The following TRA2A variants were observed in gnomAD, a reference collection of about 807,000 sequenced individuals.
The protein encoded by TRA2A is transformer-2 protein homolog alpha.
TRA2A carries 31 observed loss-of-function variants against 45.7 expected under a neutral mutation model. The ratio of observed to expected loss-of-function variants is 0.68; its 90% CI spans 0.51 to 0.92. TRA2A has a LOEUF of 0.92. Ranked by LOEUF, TRA2A falls within the 40% of genes least tolerant of loss-of-function variation. The probability of loss-of-function intolerance (pLI) is 0.00; values close to 1 mark genes in which losing one functional copy is unlikely to be tolerated. For synonymous variants in TRA2A, 132 were observed against 126.2 expected (o/e 1.05, Z -0.31); for missense variants, 304 against 367.5 (o/e 0.83, Z 1.41).
intron 2 of TRA2A, among the ~76,000 whole-genome samples, chr7:23,517,214 G>C: frequency 6.6e-6 from 1 of 151,730 alleles, no homozygotes. Context: ...CGGGCACGGT[G>C]GCTCATGCCT....
At chr7:23,526,464 A>C (rs1006781716) in intron 1 of TRA2A, among the ~76,000 whole-genome samples, 1 of 152,238 alleles carries the variant, frequency 6.6e-6, no homozygotes, top group Admixed American at 6.5e-5. Flanking sequence ...GAGGAAAATC[A>C]CAAGTACCCA....
chr7:23,516,268 TA>T, intron 3 of TRA2A, 94 bp downstream of exon 3: 1 of 1,309,788 alleles, frequency 7.6e-7, no homozygotes, highest in Non-Finnish European at 1.1e-6. Flanking sequence ...GTATCACTTC[TA>T]AACAATGGCC....
intron 2 of TRA2A, among the ~76,000 whole-genome samples, chr7:23,518,453 T>G (rs1789985970): frequency 6.6e-6 from 1 of 152,170 alleles, no homozygotes; most frequent in African/African-American, 2.4e-5. Context: ...GTGATTCTCC[T>G]GCCTCAGCCT....
intron 4 of TRA2A, among the ~76,000 whole-genome samples, chr7:23,511,076 A>AG: frequency 1.3e-5 from 2 of 152,186 alleles, no homozygotes; most frequent in Admixed American, 1.3e-4. Flanking sequence ...TGTTTTTAAA[A>AG]GATAGCCTTA....
intron 1 of TRA2A, among the ~76,000 whole-genome samples, chr7:23,523,612 G>A (rs1223608549): frequency 2.6e-5 from 4 of 152,110 alleles, no homozygotes; most frequent in Non-Finnish European, 4.4e-5. Flanking sequence ...TTTTCTTTCA[G>A]ATAAAAACAA....
chr7:23,515,805 C>G (rs971131222), intron 3 of TRA2A, among the ~76,000 whole-genome samples: 3 of 151,784 alleles, frequency 2.0e-5, no homozygotes, highest in African/African-American at 7.3e-5. Flanking sequence ...TTTGGCCTCC[C>G]AAAGTGCTGG....
At position 23,506,386 on chromosome 7, in the gene TRA2A, T is replaced by C. The variant is rs922613279; in HGVS notation, c.642-120A>G. On this transcript the variant is annotated intron_variant, in intron 5 of 7. Transcript: ENST00000297071. ...GGAAGAACATCCCTTTCATGAGAAATTGCCTCCGTATCTCATTTTACTGAC... is the reference window on the plus strand; with the variant it reads ...GGAAGAACATCCCTTTCATGAGAAACTGCCTCCGTATCTCATTTTACTGAC... 1.8e-5 allele frequency: 22 copies of C among 1,254,116 alleles called. No homozygotes were observed. The African/African-American group carries it at 3.0e-4, about 17-fold the overall frequency. 77.7% of individuals were successfully genotyped at this position (1,254,116 alleles called of 1,614,324 possible).
Position 23,506,232 on chromosome 7 carries a change from C to T in TRA2A, c.676G>A (p.Gly226Arg). 2 of 1,612,154 alleles carry T rather than the reference C, an allele frequency of 1.2e-6. No homozygotes were observed. The highest frequency in any genetic ancestry group is 1.7e-6 in the Non-Finnish European group (2 of 1,178,546). The part of the protein sequence containing the change: ...GGGGGGGGGG[G>R]GGGGGRRRDS... ...CGACGTCTGCCACCACCTCCACCTC[C>T]ACCGCCGCCGCCTCCTCCACCACCC... The change falls in exon 6 of 8, where the codon GGA becomes AGA. Residue 226 changes from glycine (G) to arginine (R), a missense_variant. By Grantham distance (125) the Gly-to-Arg change is moderately radical. Coordinates refer to ENST00000297071, the MANE Select transcript of TRA2A (RefSeq NM_013293.5).
In TRA2A at chr7:23,511,959, A is replaced by G. The variant is rs375363544; in HGVS notation, c.525+935T>C. Reference sequence around the variant, plus strand: ...ATAGACACAAAATTAAACATATCAAACCCACACATCAGAATTATTTTTTAA... The same window carrying G: ...ATAGACACAAAATTAAACATATCAAGCCCACACATCAGAATTATTTTTTAA... On this transcript the variant is annotated intron_variant, in intron 4 of 7. Transcript: ENST00000297071. Among the ~76,000 whole-genome samples, 44 of 152,266 alleles carry G rather than the reference A, an allele frequency of 2.9e-4. No individual in the cohort carries two copies. In the East Asian group the frequency reaches 6.0e-3, roughly 21 times the overall value.
chr7:23,507,731 C>T (rs1196358608), intron 4 of TRA2A, among the ~76,000 whole-genome samples, 196 bp from the exon 5 acceptor site: 1 of 152,194 alleles, frequency 6.6e-6, no homozygotes, highest in Non-Finnish European at 1.5e-5. Flanking sequence ...ATTTACTCAG[C>T]AGAAAGAGTA....
chr7:23,527,211 T>C (rs190213718), intron 1 of TRA2A, among the ~76,000 whole-genome samples: 1 of 152,274 alleles, frequency 6.6e-6, no homozygotes, highest in Admixed American at 6.5e-5. Flanking sequence ...CAACTTTTCT[T>C]CTACATATCA....
intron 4 of TRA2A, among the ~76,000 whole-genome samples, chr7:23,509,934 G>A (rs1488575166): frequency 1.3e-5 from 2 of 152,180 alleles, no homozygotes; most frequent in African/African-American, 4.8e-5. Flanking sequence ...GCTAAGGTGG[G>A]AAGATCACTT....
At chr7:23,530,461 T>C (rs991955553) in intron 1 of TRA2A, among the ~76,000 whole-genome samples, 3 of 152,206 alleles carry the variant, frequency 2.0e-5, no homozygotes, top group South Asian at 2.1e-4. Flanking sequence ...AAGGACAAAA[T>C]TCGCCCTTCA....
chr7:23,513,186 T>A, intron 3 of TRA2A, 104 bp from the exon 4 acceptor site: 1 of 759,608 alleles, frequency 1.3e-6, no homozygotes, highest in Non-Finnish European at 2.0e-6. Context: ...AATAAATATA[T>A]TGTTTCTAAT....
chr7:23,511,565 A>G (rs1204704810), intron 4 of TRA2A, among the ~76,000 whole-genome samples: 1 of 151,978 alleles, frequency 6.6e-6, no homozygotes, highest in Non-Finnish European at 1.5e-5. Context: ...TTCTAAATCA[A>G]TTACTATCAA....
At position 23,530,602 on chromosome 7, in the gene TRA2A, A is replaced by T. The variant is rs550741420; in HGVS notation, c.36+1187T>A. On this transcript the variant is annotated intron_variant, in intron 1 of 7. Coordinates refer to ENST00000297071, the MANE Select transcript of TRA2A (RefSeq NM_013293.5). ...GTTTCACACGAACTCACTTCTACTAACTCACTTCTACAATTCCCTATGTAG... is the reference window on the plus strand; with the variant it reads ...GTTTCACACGAACTCACTTCTACTATCTCACTTCTACAATTCCCTATGTAG... Among the ~76,000 whole-genome samples the T allele has an allele frequency of 2.0e-5, 3 of 152,218 alleles. No individual in the cohort carries two copies. In the East Asian group the frequency reaches 5.8e-4, roughly 29 times the overall value.
At chr7:23,530,186 T>A (rs977842981) in intron 1 of TRA2A, among the ~76,000 whole-genome samples, 4 of 152,208 alleles carry the variant, frequency 2.6e-5, no homozygotes. Context: ...CTATCATATA[T>A]GTTTATCGCA....
intron 3 of TRA2A, among the ~76,000 whole-genome samples, chr7:23,515,161 GA>G (rs1221128992): frequency 5.4e-5 from 8 of 149,524 alleles, no homozygotes; most frequent in African/African-American, 1.5e-4. Flanking sequence ...AAAAAACTTT[GA>G]ATATAACCCA....
chr7:23,509,468 G>A (rs537737407), intron 4 of TRA2A, among the ~76,000 whole-genome samples: 275 of 152,282 alleles, frequency 1.8e-3, no homozygotes, highest in African/African-American at 6.2e-3. Flanking sequence ...GGGCGCGATG[G>A]CTCACACCTG....
Sources: allele counts gnomAD v4.1 joint callset (sites outside exome capture counted in the v4.1 genomes callset), GRCh38; gene constraint gnomAD v4.1.1; transcripts MANE v1.5; gene names NCBI Gene and HGNC (gene_info 2026-07-23, HGNC 2026-07-21).